FAM185A: variants seen among roughly 807,000 people sequenced by gnomAD.
The protein encoded by FAM185A is family with sequence similarity 185 member A.
In FAM185A, 21 loss-of-function variants were observed where a neutral mutation model predicts 45.7. The observed-to-expected ratio is 0.46, with a 90% confidence interval of 0.33 to 0.66. FAM185A has a LOEUF of 0.66. Ranked by LOEUF, FAM185A falls within the 30% of genes least tolerant of loss-of-function variation. The pLI is 0.03. For synonymous variants in FAM185A, 117 were observed against 194.0 expected (o/e 0.60, Z 3.30); for missense variants, 305 against 485.4 (o/e 0.63, Z 3.49).
intron 4 of FAM185A, among the ~76,000 whole-genome samples, chr7:102,767,136 T>C (rs916894234): frequency 6.0e-5 from 9 of 149,170 alleles, no homozygotes; most frequent in African/African-American, 2.2e-4. Context: ...AATTACAGCT[T>C]TTTTTTTTTT....
the FAM185A span, among the ~76,000 whole-genome samples, chr7:102,838,448 T>C: frequency 6.6e-6 from 1 of 150,672 alleles, no homozygotes; most frequent in Admixed American, 6.6e-5. Context: ...AACACCATAG[T>C]AAAAAAAAAA....
At chr7:102,795,066 C>T (rs962627821) in intron 7 of FAM185A, among the ~76,000 whole-genome samples, 1 of 152,144 alleles carries the variant, frequency 6.6e-6, no homozygotes, top group African/African-American at 2.4e-5. Context: ...AGAACAGTTC[C>T]ATATCTTGAT....
In FAM185A at chr7:102,749,260, G is replaced by A. The variant is rs747420536; in HGVS notation, c.53G>A (p.Arg18His). 1.3e-6 allele frequency: 2 copies of A among 1,550,692 alleles called. No individual in the cohort carries two copies. Among genetic ancestry groups the A allele is most frequent in the South Asian group, 1.2e-5 (1 of 84,032 alleles). The change falls in exon 1 of 8, where the codon CGT becomes CAT. Residue 18 changes from arginine to histidine, a missense_variant. By Grantham distance (29) the Arg-to-His change is conservative (BLOSUM62 0). Transcript: ENST00000413034. ...CTTGGCTGCTTCCGTCTCTGTCTCCGTCAGGTCCGACTGTGGGCTGGCGCT... is the reference window on the plus strand; with the variant it reads ...CTTGGCTGCTTCCGTCTCTGTCTCCATCAGGTCCGACTGTGGGCTGGCGCT... ...WELGCFRLCL[R>H]QVRLWAGAGR...
chr7:102,780,864 T>C (rs1173238778), intron 6 of FAM185A, among the ~76,000 whole-genome samples: 1 of 152,144 alleles, frequency 6.6e-6, no homozygotes, highest in Non-Finnish European at 1.5e-5. Context: ...GGGCGAGGCA[T>C]CACCTCACCC....
chr7:102,785,307 T>C (rs1259511403), intron 6 of FAM185A, among the ~76,000 whole-genome samples: 1 of 150,914 alleles, frequency 6.6e-6, no homozygotes, highest in Non-Finnish European at 1.5e-5. Context: ...AATGACTTTC[T>C]TCACAGAATT....
At chr7:102,841,889 T>C in the FAM185A span, among the ~76,000 whole-genome samples, 1 of 152,174 alleles carries the variant, frequency 6.6e-6, no homozygotes, top group Admixed American at 6.5e-5. Context: ...AGTAAAACTC[T>C]TAATTATTCC....
chr7:102,778,544 GA>G (rs1236799777), intron 6 of FAM185A, among the ~76,000 whole-genome samples: 1 of 152,106 alleles, frequency 6.6e-6, no homozygotes, highest in East Asian at 1.9e-4. Flanking sequence ...AAAACAAACA[GA>G]AAACTGTAAA....
In FAM185A at chr7:102,761,353, T is replaced by C. The variant is rs1794094851; in HGVS notation, c.735T>C (p.Tyr245=). The C allele has an allele frequency of 1.9e-6, 3 of 1,545,810 alleles. No individual in the cohort carries two copies. The highest frequency in any genetic ancestry group is 1.4e-5 in the African/African-American group (1 of 72,724). The part of the protein sequence containing the change: ...EDGLLKAKYL[Y]TESSFLSSAA... The stretch of plus-strand genomic sequence containing the variant: ...GTTTGCTGAAAGCCAAGTATCTTTA[T>C]ACAGAATCATCATTTCTGTCTTCTG... The change falls in exon 4 of 8, where the codon TAT becomes TAC. Residue 245 remains tyrosine, a synonymous_variant. Coordinates refer to ENST00000413034, the MANE Select transcript of FAM185A (RefSeq NM_001145268.2).
intron 7 of FAM185A, among the ~76,000 whole-genome samples, chr7:102,800,762 T>A (rs1301246842): frequency 6.6e-6 from 1 of 152,090 alleles, no homozygotes; most frequent in African/African-American, 2.4e-5. Context: ...CTAAGAATAA[T>A]TGGTGTTCCT....
chr7:102,814,113 A>G (rs1021801180), downstream of FAM185A, among the ~76,000 whole-genome samples: 1 of 152,232 alleles, frequency 6.6e-6, no homozygotes, highest in Admixed American at 6.5e-5. Context: ...AGCAGGAAAC[A>G]AGAAAGTAAA....
the FAM185A span, among the ~76,000 whole-genome samples, chr7:102,843,959 G>A: frequency 3.9e-5 from 6 of 152,008 alleles, no homozygotes; most frequent in African/African-American, 1.5e-4. Context: ...CAGACAACAG[G>A]GTGCTGACCT....
intron 6 of FAM185A, among the ~76,000 whole-genome samples, chr7:102,784,009 C>T (rs558603501): frequency 3.7e-4 from 57 of 152,298 alleles, no homozygotes; most frequent in African/African-American, 1.2e-3. Flanking sequence ...GATATCATCA[C>T]CGATCCCACA....
intron 7 of FAM185A, among the ~76,000 whole-genome samples, chr7:102,788,343 A>T (rs1260984456): frequency 6.6e-6 from 1 of 152,184 alleles, no homozygotes; most frequent in Non-Finnish European, 1.5e-5. Flanking sequence ...GAATGGCATC[A>T]AGGAGGACAT....
chr7:102,779,136 A>G (rs1255319304), intron 6 of FAM185A, among the ~76,000 whole-genome samples: 1 of 152,180 alleles, frequency 6.6e-6, no homozygotes, highest in African/African-American at 2.4e-5. Context: ...CCTTCAATAA[A>G]TGATGCTGTT....
intron 3 of FAM185A, 144 bp downstream of exon 3, chr7:102,758,090 T>G: frequency 1.6e-6 from 1 of 611,926 alleles, no homozygotes; most frequent in South Asian, 2.1e-5. Context: ...AAATTTGAAA[T>G]TGAAGTGATG....
intron 4 of FAM185A, among the ~76,000 whole-genome samples, chr7:102,769,477 G>C (rs193237619): frequency 0.015 from 2,207 of 151,676 alleles, 46 homozygotes; most frequent in African/African-American, 0.049. Context: ...TTAAAGACTA[G>C]TGTAAAACTA....
At chr7:102,829,156 T>C in the FAM185A span, among the ~76,000 whole-genome samples, 1 of 152,214 alleles carries the variant, frequency 6.6e-6, no homozygotes, top group Non-Finnish European at 1.5e-5. Context: ...GCGGTGCAAG[T>C]GGAACATTTA....
intron 7 of FAM185A, among the ~76,000 whole-genome samples, chr7:102,806,329 C>T (rs1055628951): frequency 6.6e-6 from 1 of 152,072 alleles, no homozygotes; most frequent in Admixed American, 6.5e-5. Context: ...GGATTACAGG[C>T]GCCTGGCACC....
chr7:102,791,044 G>A (rs1054976581), intron 7 of FAM185A, among the ~76,000 whole-genome samples: 2 of 152,214 alleles, frequency 1.3e-5, no homozygotes, highest in African/African-American at 4.8e-5. Context: ...AGAACACAGG[G>A]GTGAGGAAGT....
Sources: allele counts gnomAD v4.1 joint callset (sites outside exome capture counted in the v4.1 genomes callset), GRCh38; gene constraint gnomAD v4.1.1; transcripts MANE v1.5; gene names NCBI Gene and HGNC (gene_info 2026-07-23, HGNC 2026-07-21).